CPD: variants seen among roughly 807,000 people sequenced by gnomAD.
CPD encodes the protein metallocarboxypeptidase D.
Under a neutral mutation model 138.3 loss-of-function variants are expected in CPD, and 69 were observed. The ratio of observed to expected loss-of-function variants is 0.50; its 90% CI spans 0.41 to 0.61. CPD has a LOEUF of 0.61. Ranked by LOEUF, CPD falls within the 20% of genes least tolerant of loss-of-function variation. CPD has a pLI of 0.00. For synonymous variants in CPD, 651 were observed against 642.1 expected (o/e 1.01, Z -0.21); for missense variants, 1,432 against 1,733.3 (o/e 0.83, Z 3.09).
intron 2 of CPD, among the ~76,000 whole-genome samples, chr17:30,413,307 A>G (rs1205292627): frequency 6.6e-6 from 1 of 152,232 alleles, no homozygotes; most frequent in Non-Finnish European, 1.5e-5. Context: ...TAATATCATA[A>G]TGACTAAATA....
Position 30,466,562 on chromosome 17 carries a change from G to A in CPD, c.*1748G>A, listed in dbSNP as rs747903213. ...AGAGCTTGTGGGATGCTAATAGTTA[G>A]TGAAGTATACATGATTTAATTTCTA... On this transcript the variant is annotated 3_prime_UTR_variant, in exon 21 of 21. Transcript: ENST00000225719. 1 of 152,380 alleles carries A rather than the reference G, an allele frequency of 6.6e-6. No individual in the cohort carries two copies. The highest frequency in any genetic ancestry group is 1.5e-5 in the Non-Finnish European group (1 of 67,954). 9.4% of individuals were successfully genotyped at this position (152,380 alleles called of 1,614,324 possible).
chr17:30,413,672 C>G (rs1912026352), intron 2 of CPD, among the ~76,000 whole-genome samples: 1 of 152,268 alleles, frequency 6.6e-6, no homozygotes, highest in Non-Finnish European at 1.5e-5. Context: ...GATCTCTGCC[C>G]TTGTGTTGTT....
chr17:30,461,934 G>T lies in CPD; in HGVS notation c.3688G>T (p.Ala1230Ser). The T allele has an allele frequency of 6.2e-7, 1 of 1,613,036 alleles. No homozygotes were observed. Residue 1230 changes from alanine (A) to serine (S), a missense_variant, in exon 19 of 21, where the codon GCA (alanine) becomes TCA (serine). Ala to Ser is a moderately conservative substitution (Grantham distance 99). Around this residue, in one of 6 missense-constraint regions of CPD, gnomAD observed 366 missense variants for 518.8 expected, o/e 0.71. Coordinates refer to ENST00000225719, the MANE Select transcript of CPD (RefSeq NM_001304.5). ...KDKTGKPISK[A>S]VIVLNEGIKV... is the part of the protein sequence containing the mutation. Reference sequence around the variant, plus strand: ...TAAGACTGGAAAGCCAATCTCTAAAGCAGTCATTGTACTTAATGAAGGAAT... The same window carrying T: ...TAAGACTGGAAAGCCAATCTCTAAATCAGTCATTGTACTTAATGAAGGAAT...
chr17:30,451,257 C>T (rs1351343171), intron 13 of CPD, among the ~76,000 whole-genome samples: 1 of 152,104 alleles, frequency 6.6e-6, no homozygotes, highest in Non-Finnish European at 1.5e-5. Flanking sequence ...TCAGAAGGGA[C>T]CTGTGTAATT....
intron 8 of CPD, among the ~76,000 whole-genome samples, chr17:30,433,061 A>G (rs1472355022): frequency 6.6e-6 from 1 of 152,168 alleles, no homozygotes; most frequent in Non-Finnish European, 1.5e-5. Flanking sequence ...GGTAATGAAT[A>G]TTATTACTGT....
chr17:30,393,158 G>T (rs920685613), intron 2 of CPD, among the ~76,000 whole-genome samples: 4 of 152,210 alleles, frequency 2.6e-5, no homozygotes, highest in African/African-American at 9.6e-5. Flanking sequence ...AACCAATTCA[G>T]TTTTTTGTGT....
chr17:30,465,133 A>G lies in CPD; in HGVS notation c.*319A>G, dbSNP rs1913601968. On this transcript the variant is annotated 3_prime_UTR_variant, in exon 21 of 21. Coordinates refer to ENST00000225719, the MANE Select transcript of CPD (RefSeq NM_001304.5). ...AACTAGAGGATGTTGTATTTTGCACATCAGATGTTTACTAGTGGCTTTAGT... is the reference window on the plus strand; with the variant it reads ...AACTAGAGGATGTTGTATTTTGCACGTCAGATGTTTACTAGTGGCTTTAGT... The G allele has an allele frequency of 3.8e-6, 1 of 262,422 alleles. No homozygotes were observed. The highest frequency in any genetic ancestry group is 5.0e-5 in the Admixed American group (1 of 20,008). The allele number at this position is 262,422 out of a possible 1,614,324, so 16.3% of individuals were successfully genotyped here.
In CPD at chr17:30,384,936, A is replaced by T. The variant is rs545024447; in HGVS notation, c.747-53A>T. 153 of 1,569,216 alleles carry T rather than the reference A, an allele frequency of 9.8e-5. No homozygotes were observed. In the African/African-American group the frequency reaches 1.8e-3, roughly 18 times the overall value. ...AGATTTTGTGGAATTTTTTTAATGC[A>T]TGGTGTTTTGTGTCCTTTTTTAGTG... On this transcript the variant is annotated intron_variant, in intron 1 of 20. Transcript: ENST00000225719.
At position 30,462,398 on chromosome 17, in the gene CPD, C is replaced by T. The variant is rs755907436; in HGVS notation, c.3845C>T (p.Ser1282Phe). The part of the protein sequence containing the change: ...QVFVHHDAAS[S>F]VVIVFDTDNR... ...TTTGTGCATCATGATGCAGCTAGTTCTGTGGTGATAGTCTTTGACACAGAT... is the reference window on the plus strand; with the variant it reads ...TTTGTGCATCATGATGCAGCTAGTTTTGTGGTGATAGTCTTTGACACAGAT... The change falls in exon 20 of 21, where the codon TCT becomes TTT. Residue 1282 changes from serine (S) to phenylalanine (F), a missense_variant. Ser to Phe is a radical substitution (Grantham distance 155). This residue lies in a region of CPD where 366 missense variants were observed against 518.8 expected (regional missense o/e 0.71). Coordinates refer to ENST00000225719, the MANE Select transcript of CPD (RefSeq NM_001304.5). The T allele has an allele frequency of 5.1e-5, 82 of 1,613,760 alleles. No individual in the cohort carries two copies. Among genetic ancestry groups the T allele is most frequent in the Non-Finnish European group, 6.7e-5 (79 of 1,179,862 alleles).
Position 30,423,079 on chromosome 17 carries a change from A to G in CPD, c.1657+56A>G, listed in dbSNP as rs934875227. The G allele has an allele frequency of 9.9e-6, 13 of 1,307,086 alleles. No homozygotes were observed. In the African/African-American group the frequency reaches 1.0e-4, roughly 10 times the overall value. The allele number at this position is 1,307,086 out of a possible 1,614,324, so 81.0% of individuals were successfully genotyped here. ...GTAGTGCCCCTCAAAGCCATGTTCA[A>G]TATTGCTATGTTTCATTCAGAAAGG... On this transcript the variant is annotated intron_variant, in intron 5 of 20. Transcript: ENST00000225719.
At chr17:30,404,207 TAA>T (rs1174554472) in intron 2 of CPD, among the ~76,000 whole-genome samples, 2 of 152,152 alleles carry the variant, frequency 1.3e-5, no homozygotes, top group African/African-American at 4.8e-5. Context: ...TTATAGCATA[TAA>T]GTTATTATAC....
At position 30,446,035 on chromosome 17, in the gene CPD, C is replaced by A; in HGVS notation, c.2873+15C>A. The A allele has an allele frequency of 4.6e-5, 65 of 1,416,270 alleles. No individual in the cohort carries two copies. Among genetic ancestry groups the A allele is most frequent in the Non-Finnish European group, 5.6e-5 (58 of 1,039,230 alleles). 87.7% of individuals were successfully genotyped at this position (1,416,270 alleles called of 1,614,324 possible). ...AATCTTACCAAGTAAGTGTCACTTT[C>A]TATTGTCTTTTTTTTTTTTTCAAGA... On this transcript the variant is annotated intron_variant, in intron 12 of 20. Coordinates refer to ENST00000225719, the MANE Select transcript of CPD (RefSeq NM_001304.5).
intron 2 of CPD, among the ~76,000 whole-genome samples, chr17:30,417,750 C>T (rs937852045): frequency 6.6e-6 from 1 of 152,192 alleles, no homozygotes; most frequent in Non-Finnish European, 1.5e-5. Flanking sequence ...TCCAATCCCC[C>T]ACGCCTTTCC....
intron 5 of CPD, 141 bp from the exon 6 acceptor site, chr17:30,423,365 G>C: frequency 1.8e-6 from 1 of 564,410 alleles, no homozygotes; most frequent in Non-Finnish European, 3.0e-6. Context: ...AGATGTTTCT[G>C]AAGGTTTTTT....
intron 9 of CPD, among the ~76,000 whole-genome samples, chr17:30,440,128 G>T (rs1302312281): frequency 7.9e-6 from 1 of 125,864 alleles, no homozygotes; most frequent in Non-Finnish European, 1.6e-5. Flanking sequence ...GTATCTCATT[G>T]TGGTTTTGAT....
Position 30,464,654 on chromosome 17 carries a change from A to G in CPD, c.3983A>G (p.Asn1328Ser), listed in dbSNP as rs141840596. The G allele has an allele frequency of 9.7e-5, 157 of 1,613,862 alleles. No individual in the cohort carries two copies. The highest frequency in any genetic ancestry group is 1.2e-4 in the Non-Finnish European group (146 of 1,179,934). ...IIWCICSIKS[N>S]RHKDGFHRLR... ...TGGTGCATCTGCTCAATCAAGTCTA[A>G]TAGACACAAGGATGGCTTTCATCGG... The change falls in exon 21 of 21, where the codon AAT becomes AGT. Residue 1328 changes from asparagine (N) to serine (S), a missense_variant. Transcript: ENST00000225719.
intron 8 of CPD, among the ~76,000 whole-genome samples, chr17:30,432,740 C>T (rs1025319535): frequency 9.2e-5 from 14 of 151,848 alleles, no homozygotes; most frequent in African/African-American, 2.9e-4. Flanking sequence ...AAGAGCTTGC[C>T]TCTACTAAAA....
At chr17:30,391,409 A>G (rs1011617633) in intron 2 of CPD, among the ~76,000 whole-genome samples, 4 of 152,212 alleles carry the variant, frequency 2.6e-5, no homozygotes. Flanking sequence ...CCAAGAAAAC[A>G]AACAGACAAA....
In CPD at chr17:30,467,704, T is replaced by C. The variant is rs542870970; in HGVS notation, c.*2890T>C. 9 of 152,338 alleles carry C rather than the reference T, an allele frequency of 5.9e-5. No homozygotes were observed. The East Asian group carries it at 9.6e-4, about 16-fold the overall frequency. 9.4% of individuals were successfully genotyped at this position (152,338 alleles called of 1,614,324 possible). A position where few individuals can be genotyped will look rare whatever the true frequency, so the allele number is the denominator to read the frequency against. ...AAGGTAGTGTTTATGTCTGAGCTTA[T>C]TGTGTTTGAGCTAACACCAGGTTAC... is the stretch of plus-strand genomic sequence containing the variant. On this transcript the variant is annotated 3_prime_UTR_variant, in exon 21 of 21. Transcript: ENST00000225719.
Sources: gnomAD v4.1 joint callset for allele counts (sites outside exome capture counted in the v4.1 genomes callset) on GRCh38, gnomAD v4.1.1 for gene constraint, gnomAD v4.1.1 regional missense constraint, MANE v1.5 for transcripts, NCBI Gene and HGNC (gene_info 2026-07-23, HGNC 2026-07-21) for gene names.